Variants in TAFA5 observed in about 807,000 individuals in gnomAD.
The protein encoded by TAFA5 is chemokine-like protein TAFA-5.
A neutral mutation model predicts 15.3 loss-of-function variants in TAFA5; 6 were observed. That is an observed-to-expected ratio of 0.39 (90% confidence interval 0.21 to 0.77). TAFA5 has a LOEUF of 0.77. Ranked by LOEUF, TAFA5 falls within the 30% of genes least tolerant of loss-of-function variation. The probability of loss-of-function intolerance (pLI) is 0.41; values close to 1 mark genes in which losing one functional copy is unlikely to be tolerated. For synonymous variants in TAFA5, 103 were observed against 80.7 expected (o/e 1.28, Z -1.48); for missense variants, 161 against 193.1 (o/e 0.83, Z 0.98).
chr22:48,724,500 G>C (rs1009650416), intron 3 of TAFA5, among the ~76,000 whole-genome samples: 1 of 152,186 alleles, frequency 6.6e-6, no homozygotes, highest in Non-Finnish European at 1.5e-5. Context: ...GTGGCTTTCT[G>C]GATTAATGCA....
At chr22:48,716,801 G>A (rs1443377812) in intron 3 of TAFA5, among the ~76,000 whole-genome samples, 1 of 151,826 alleles carries the variant, frequency 6.6e-6, no homozygotes, top group East Asian at 1.9e-4. Context: ...GGTACTGTAT[G>A]CCTGTGTGTG....
chr22:48,508,627 C>G (rs1193246556), intron 1 of TAFA5, among the ~76,000 whole-genome samples: 1 of 152,204 alleles, frequency 6.6e-6, no homozygotes, highest in Non-Finnish European at 1.5e-5. Flanking sequence ...CAAGCGTTCC[C>G]TGTAACAACC....
At chr22:48,683,176 C>T (rs536643677) in intron 2 of TAFA5, among the ~76,000 whole-genome samples, 95 of 152,216 alleles carry the variant, frequency 6.2e-4, no homozygotes, top group African/African-American at 2.1e-3. Context: ...TCTTGGTAAA[C>T]GCACACACAC....
At chr22:48,721,097 C>T (rs1929556106) in intron 3 of TAFA5, among the ~76,000 whole-genome samples, 1 of 152,316 alleles carries the variant, frequency 6.6e-6, no homozygotes, top group Admixed American at 6.5e-5. Context: ...GGAAGGTGGA[C>T]GTGAGCTCCA....
chr22:48,655,903 G>C (rs529276903), intron 2 of TAFA5, among the ~76,000 whole-genome samples: 4 of 142,446 alleles, frequency 2.8e-5, no homozygotes, highest in African/African-American at 1.1e-4. Flanking sequence ...GCAGTGGCGC[G>C]ATCTCAGCTC....
chr22:48,577,219 C>T (rs936863742), intron 1 of TAFA5, among the ~76,000 whole-genome samples: 7 of 152,208 alleles, frequency 4.6e-5, no homozygotes, highest in Admixed American at 4.6e-4. Context: ...AACGGTTGGA[C>T]CCTCGTGGCT....
At chr22:48,709,006 T>C (rs6010486) in intron 3 of TAFA5, among the ~76,000 whole-genome samples, 5 of 152,184 alleles carry the variant, frequency 3.3e-5, no homozygotes, top group Non-Finnish European at 5.9e-5. Context: ...GGTCGTCTTC[T>C]GAGAGTCGCA....
chr22:48,596,680 T>G (rs1231016345), intron 1 of TAFA5, among the ~76,000 whole-genome samples: 1 of 152,112 alleles, frequency 6.6e-6, no homozygotes, highest in Non-Finnish European at 1.5e-5. Context: ...ACACCAGCGC[T>G]CACTCTTGGC....
chr22:48,589,446 G>A (rs1036946082), intron 1 of TAFA5, among the ~76,000 whole-genome samples: 3 of 150,014 alleles, frequency 2.0e-5, no homozygotes, highest in Non-Finnish European at 3.0e-5. Context: ...ACCCAGGGTC[G>A]GTTGGAGGTC....
intron 2 of TAFA5, among the ~76,000 whole-genome samples, chr22:48,651,330 C>T (rs1420156962): frequency 2.0e-5 from 3 of 152,186 alleles, no homozygotes; most frequent in Admixed American, 6.5e-5. Context: ...TTGTCAGGGC[C>T]GCAGTGGCCA....
chr22:48,589,490 G>A (rs969942830), intron 1 of TAFA5, among the ~76,000 whole-genome samples: 1 of 151,452 alleles, frequency 6.6e-6, no homozygotes, highest in African/African-American at 2.4e-5. Context: ...AGGGTTGGTT[G>A]GAGGTCCCCA....
At chr22:48,549,160 C>T (rs1490729336) in intron 1 of TAFA5, among the ~76,000 whole-genome samples, 6 of 152,232 alleles carry the variant, frequency 3.9e-5, no homozygotes, top group Admixed American at 2.6e-4. Context: ...CAGCCAAAGG[C>T]AGGATTCATG....
intron 2 of TAFA5, among the ~76,000 whole-genome samples, chr22:48,695,847 G>C (rs1406532774): frequency 1.3e-5 from 2 of 152,222 alleles, no homozygotes; most frequent in Non-Finnish European, 2.9e-5. Flanking sequence ...AGGGGAGTCA[G>C]CGTGGCTGGC....
chr22:48,578,683 T>A (rs538596592), intron 1 of TAFA5, among the ~76,000 whole-genome samples: 72 of 152,312 alleles, frequency 4.7e-4, no homozygotes, highest in African/African-American at 1.6e-3. Context: ...ACTCCTGAAG[T>A]CCTGTCTCCC....
At chr22:48,575,653 G>T (rs1057371820) in intron 1 of TAFA5, among the ~76,000 whole-genome samples, 2 of 146,270 alleles carry the variant, frequency 1.4e-5, no homozygotes, top group Non-Finnish European at 1.5e-5. Flanking sequence ...CAGCCCAGGG[G>T]CGCGGTGGGC....
intron 1 of TAFA5, among the ~76,000 whole-genome samples, chr22:48,562,533 C>G (rs182863529): frequency 3.3e-5 from 5 of 151,522 alleles, no homozygotes; most frequent in Non-Finnish European, 7.4e-5. Context: ...GAGGCAGCCC[C>G]GTATCAGCAG....
chr22:48,496,087 C>A (rs1296775858), intron 1 of TAFA5, among the ~76,000 whole-genome samples: 1 of 152,244 alleles, frequency 6.6e-6, no homozygotes, highest in Non-Finnish European at 1.5e-5. Context: ...TGAGCTAGGC[C>A]AGAAAGTGCC....
intron 2 of TAFA5, among the ~76,000 whole-genome samples, chr22:48,702,278 A>G (rs1029255053): frequency 1.3e-5 from 2 of 152,070 alleles, no homozygotes; most frequent in African/African-American, 2.4e-5. Flanking sequence ...CTGGCACCTT[A>G]GAGAAGTGTT....
At chr22:48,492,405 T>A (rs764252749) in intron 1 of TAFA5, among the ~76,000 whole-genome samples, 24 of 152,194 alleles carry the variant, frequency 1.6e-4, no homozygotes, top group Non-Finnish European at 2.9e-4. Context: ...CTGCAACACA[T>A]AAGGTGCTGG....
Sources: allele counts gnomAD v4.1 joint callset (sites outside exome capture counted in the v4.1 genomes callset), GRCh38; gene constraint gnomAD v4.1.1; transcripts MANE v1.5; gene names NCBI Gene and HGNC (gene_info 2026-07-23, HGNC 2026-07-21).